Variants in CACNG4 observed in about 807,000 individuals in gnomAD.
CACNG4 encodes the protein calcium voltage-gated channel auxiliary subunit gamma 4.
In CACNG4, 8 loss-of-function variants were observed where a neutral mutation model predicts 22.9. The ratio of observed to expected loss-of-function variants is 0.35; its 90% CI spans 0.21 to 0.63. The LOEUF is 0.63. Ranked by LOEUF, CACNG4 falls within the 30% of genes least tolerant of loss-of-function variation. The pLI is 0.72. For synonymous variants in CACNG4, 188 were observed against 191.9 expected (o/e 0.98, Z 0.17); for missense variants, 357 against 455.4 (o/e 0.78, Z 1.97).
chr17:66,988,489 C>T (rs1192695722), intron 1 of CACNG4, among the ~76,000 whole-genome samples: 1 of 152,194 alleles, frequency 6.6e-6, no homozygotes, highest in Non-Finnish European at 1.5e-5. Context: ...GCATCTGCCT[C>T]TTGGCTCCGC....
intron 1 of CACNG4, among the ~76,000 whole-genome samples, chr17:66,991,960 C>T (rs1286818173): frequency 6.6e-6 from 1 of 152,184 alleles, no homozygotes; most frequent in African/African-American, 2.4e-5. Context: ...TGCTGGAATG[C>T]GAGCTGCCTG....
chr17:67,001,032 A>G (rs2035404892), intron 1 of CACNG4, among the ~76,000 whole-genome samples: 1 of 151,362 alleles, frequency 6.6e-6, no homozygotes, highest in African/African-American at 2.4e-5. Flanking sequence ...CATGGGAGGG[A>G]CCTGGGGGGA....
At chr17:66,980,680 T>A (rs2035266744) in intron 1 of CACNG4, among the ~76,000 whole-genome samples, 1 of 143,286 alleles carries the variant, frequency 7.0e-6, no homozygotes, top group African/African-American at 2.8e-5. Flanking sequence ...TGGAGTGCAG[T>A]GGCACAATCT....
intron 1 of CACNG4, among the ~76,000 whole-genome samples, chr17:66,967,955 AC>A (rs1016063436): frequency 6.6e-6 from 1 of 152,022 alleles, no homozygotes; most frequent in African/African-American, 2.4e-5. Context: ...GCCTCTTTCT[AC>A]CCCTCAAATC....
At position 66,973,859 on chromosome 17, in the gene CACNG4, G is replaced by A. The variant is rs79898785; in HGVS notation, c.220+8728G>A. On this transcript the variant is annotated intron_variant, in intron 1 of 3. Coordinates refer to ENST00000262138, the MANE Select transcript of CACNG4 (RefSeq NM_014405.4). ...TGCCTGGATCTGCCCCCAACGTCCC[G>A]TCCCCCAATTCTTGTTCTGTATCCC... 2.8e-3 allele frequency among the ~76,000 whole-genome samples: 428 copies of A among 152,268 alleles called. 3 individuals are homozygous for A. The highest frequency in any genetic ancestry group is 9.8e-3 in the African/African-American group (407 of 41,560).
intron 1 of CACNG4, among the ~76,000 whole-genome samples, chr17:67,005,658 A>G (rs1224176273): frequency 1.3e-5 from 2 of 152,236 alleles, no homozygotes; most frequent in Non-Finnish European, 2.9e-5. Flanking sequence ...ATTTTGTATC[A>G]GAGTCCAGTG....
intron 1 of CACNG4, among the ~76,000 whole-genome samples, chr17:67,001,692 G>A (rs982984238): frequency 6.6e-6 from 1 of 152,242 alleles, no homozygotes; most frequent in South Asian, 2.1e-4. Context: ...TGAATTCAGG[G>A]TTCTACTAGA....
chr17:66,978,024 G>A (rs935715106), intron 1 of CACNG4, among the ~76,000 whole-genome samples: 1 of 152,144 alleles, frequency 6.6e-6, no homozygotes, highest in African/African-American at 2.4e-5. Flanking sequence ...TGGGAAATAC[G>A]CACAGGGCTC....
intron 1 of CACNG4, among the ~76,000 whole-genome samples, chr17:66,993,148 G>A (rs1166224181): frequency 6.6e-6 from 1 of 152,266 alleles, no homozygotes; most frequent in East Asian, 1.9e-4. Context: ...GGACTCCAAG[G>A]CTGCCTGACG....
chr17:67,010,715 G>A (rs770419408), intron 1 of CACNG4, among the ~76,000 whole-genome samples: 11 of 152,086 alleles, frequency 7.2e-5, no homozygotes, highest in Non-Finnish European at 1.3e-4. Context: ...GGTCATTTCC[G>A]GGATGGTCTG....
Position 66,984,248 on chromosome 17 carries a change from G to A in CACNG4, c.220+19117G>A, listed in dbSNP as rs1445111565. Among the ~76,000 whole-genome samples the A allele has an allele frequency of 6.6e-6, 1 of 152,136 alleles. No homozygotes were observed. The highest frequency in any genetic ancestry group is 1.5e-5 in the Non-Finnish European group (1 of 68,034). ...AAAAATTAATTAGCTGGACATGGTG[G>A]TGCACACCTTTAGCCCTAGCTACAC... On this transcript the variant is annotated intron_variant, in intron 1 of 3. Transcript: ENST00000262138. This position sits in a 1 kb window ranked among gnomAD's most constrained non-coding sequence, Gnocchi z 4.0.
intron 1 of CACNG4, among the ~76,000 whole-genome samples, chr17:66,987,508 A>T (rs1285256968): frequency 6.6e-6 from 1 of 152,144 alleles, no homozygotes; most frequent in Non-Finnish European, 1.5e-5. Context: ...AATTTAATAG[A>T]GGGAGTTGAT....
intron 1 of CACNG4, among the ~76,000 whole-genome samples, chr17:67,017,812 A>G (rs1433776146): frequency 1.3e-5 from 2 of 151,706 alleles, no homozygotes; most frequent in Non-Finnish European, 2.9e-5. Context: ...CACCGTGCCC[A>G]GCCTGTTTTT....
At position 66,998,556 on chromosome 17, in the gene CACNG4, C is replaced by T. The variant is rs576910173; in HGVS notation, c.221-19633C>T. On this transcript the variant is annotated intron_variant, in intron 1 of 3. Transcript: ENST00000262138. ...GACTGAAAACTGCTAGTTGAGGGCG[C>T]TGGCCTGAAGCCAAGTTCCCCACCT... is the stretch of plus-strand genomic sequence containing the variant. Among the ~76,000 whole-genome samples the T allele has an allele frequency of 2.0e-5, 3 of 152,330 alleles. 1 individual carries two copies. Among genetic ancestry groups the T allele is most frequent in the African/African-American group, 7.2e-5 (3 of 41,580 alleles).
At position 66,979,208 on chromosome 17, in the gene CACNG4, G is replaced by A. The variant is rs557371184; in HGVS notation, c.220+14077G>A. ...CCCAGTGCCGCCTTCTCTTCCTCTC[G>A]TCCCTCTTTCTCTCCTTTCTTTCTT... On this transcript the variant is annotated intron_variant, in intron 1 of 3. Transcript: ENST00000262138. Among the ~76,000 whole-genome samples the A allele has an allele frequency of 3.3e-5, 5 of 152,084 alleles. No homozygotes were observed. The East Asian group carries it at 5.8e-4, about 18-fold the overall frequency.
rs1488315783 is a variant in CACNG4 at position 67,031,987 on chromosome 17, C to T, written c.*983C>T. On this transcript the variant is annotated 3_prime_UTR_variant, in exon 4 of 4. Coordinates refer to ENST00000262138, the MANE Select transcript of CACNG4 (RefSeq NM_014405.4). The surrounding 1 kb of genome is among the most constrained non-coding windows in gnomAD (Gnocchi z 4.0). ...GGGTGAACAGTGGCCAATAAAAACC[C>T]TAGAGAACAAACATCCATTTCCTAG... 3 of 456,476 alleles carry T rather than the reference C, an allele frequency of 6.6e-6. No homozygotes were observed. Among genetic ancestry groups the T allele is most frequent in the Non-Finnish European group, 1.3e-5 (3 of 226,914 alleles). The allele number at this position is 456,476 out of a possible 1,614,324, so 28.3% of individuals were successfully genotyped here. A position where few individuals can be genotyped will look rare whatever the true frequency, so the allele number is the denominator to read the frequency against.
intron 1 of CACNG4, among the ~76,000 whole-genome samples, chr17:66,969,659 C>T (rs2035192116): frequency 1.3e-5 from 2 of 152,166 alleles, no homozygotes; most frequent in South Asian, 4.1e-4. Context: ...AGAAGACAGC[C>T]ATGGATGTCT....
At position 67,006,927 on chromosome 17, in the gene CACNG4, G is replaced by A. The variant is rs187942494; in HGVS notation, c.221-11262G>A. On this transcript the variant is annotated intron_variant, in intron 1 of 3. Transcript: ENST00000262138. Reference sequence around the variant, plus strand: ...CAGTGGCTTACACCTGTAATTCCAGGACTTTGGGAGGTCAAGGCGGGTGGA... The same window carrying A: ...CAGTGGCTTACACCTGTAATTCCAGAACTTTGGGAGGTCAAGGCGGGTGGA... Among the ~76,000 whole-genome samples, 205 of 152,090 alleles carry A rather than the reference G, an allele frequency of 1.3e-3. 2 individuals are homozygous for A. Among genetic ancestry groups the A allele is most frequent in the Middle Eastern group, 6.8e-3 (2 of 292 alleles).
At chr17:66,990,093 C>T (rs568464736) in intron 1 of CACNG4, among the ~76,000 whole-genome samples, 18 of 152,208 alleles carry the variant, frequency 1.2e-4, no homozygotes, top group East Asian at 3.8e-4. Flanking sequence ...TAGCCGCATC[C>T]GCTGCTTAAG....
Sources: gnomAD v4.1 joint callset for allele counts (sites outside exome capture counted in the v4.1 genomes callset) on GRCh38, gnomAD v4.1.1 for gene constraint, Gnocchi (gnomAD v3.1) non-coding constraint, MANE v1.5 for transcripts, NCBI Gene and HGNC (gene_info 2026-07-23, HGNC 2026-07-21) for gene names.